The following THRB variants were observed in gnomAD, a reference collection of about 807,000 sequenced individuals.
The protein encoded by THRB is nuclear receptor subfamily 1 group A member 2.
Under a neutral mutation model 47.8 loss-of-function variants are expected in THRB, and 12 were observed. That is an observed-to-expected ratio of 0.25 (90% CI 0.16 to 0.41). The LOEUF is 0.41. THRB is among the 10% of genes least tolerant of loss of function. The probability of loss-of-function intolerance (pLI) is 1.00; values close to 1 mark genes in which losing one functional copy is unlikely to be tolerated. For synonymous variants in THRB, 218 were observed against 212.2 expected (o/e 1.03, Z -0.24); for missense variants, 348 against 589.2 (o/e 0.59, Z 4.24).
chr3:24,162,610 C>T (rs1426051165), intron 5 of THRB, among the ~76,000 whole-genome samples: 2 of 150,798 alleles, frequency 1.3e-5, no homozygotes, highest in African/African-American at 4.9e-5. Flanking sequence ...ATTCAATGAA[C>T]TGACATCTGA....
chr3:24,287,939 C>T (rs1329903733), intron 3 of THRB, among the ~76,000 whole-genome samples: 5 of 152,206 alleles, frequency 3.3e-5, no homozygotes, highest in African/African-American at 4.8e-5. Flanking sequence ...CACTGCCAAG[C>T]ACAGAATTTA....
At chr3:24,339,001 A>T (rs1576959763) in intron 1 of THRB, among the ~76,000 whole-genome samples, 2 of 152,352 alleles carry the variant, frequency 1.3e-5, no homozygotes, top group East Asian at 3.9e-4. Flanking sequence ...TTATTCAAAG[A>T]GGATTCTCAA....
chr3:24,439,243 A>C (rs1454884825), intron 1 of THRB, among the ~76,000 whole-genome samples: 1 of 152,120 alleles, frequency 6.6e-6, no homozygotes, highest in Non-Finnish European at 1.5e-5. Flanking sequence ...GGTGGTGCAG[A>C]TAAGAGGATA....
chr3:24,477,277 A>G (rs948327669), intron 1 of THRB, among the ~76,000 whole-genome samples: 37 of 152,230 alleles, frequency 2.4e-4, no homozygotes, highest in Admixed American at 2.3e-3. Flanking sequence ...GTAAAACAAT[A>G]AACTAAGTAT....
In THRB at chr3:24,440,093, A is replaced by G. The variant is rs1368055554; in HGVS notation, c.-261+54559T>C. On this transcript the variant is annotated intron_variant, in intron 1 of 10. Coordinates refer to ENST00000646209, the MANE Select transcript of THRB (RefSeq NM_001354712.2). ...AAACTAAGTCGTAAATAACAAATCT[A>G]TATATATTCGCATGTGCTGTCTGTC... Among the ~76,000 whole-genome samples the G allele has an allele frequency of 5.9e-5, 9 of 152,320 alleles. No individual in the cohort carries two copies. The East Asian group carries it at 1.2e-3, about 20-fold the overall frequency.
At chr3:24,284,117 C>T (rs1207777464) in intron 3 of THRB, among the ~76,000 whole-genome samples, 112 of 143,704 alleles carry the variant, frequency 7.8e-4, no homozygotes, top group Admixed American at 2.3e-3. Flanking sequence ...GAGCCCGCAT[C>T]GCCAAGTCAA....
At chr3:24,332,487 A>G (rs1301700969) in intron 2 of THRB, among the ~76,000 whole-genome samples, 1 of 152,200 alleles carries the variant, frequency 6.6e-6, no homozygotes, top group African/African-American at 2.4e-5. Flanking sequence ...TGGCCAATGT[A>G]TTATGTTGGT....
At chr3:24,377,137 G>T (rs918765112) in intron 1 of THRB, among the ~76,000 whole-genome samples, 7 of 151,990 alleles carry the variant, frequency 4.6e-5, no homozygotes, top group Non-Finnish European at 1.0e-4. Context: ...GTAGAGATGG[G>T]TCTTACTTTG....
chr3:24,377,321 G>A (rs1425764107), intron 1 of THRB, among the ~76,000 whole-genome samples: 1 of 152,096 alleles, frequency 6.6e-6, no homozygotes, highest in Non-Finnish European at 1.5e-5. Context: ...GTGACCAAAG[G>A]AAATAGGATG....
chr3:24,195,145 A>G (rs1331768009), intron 4 of THRB, among the ~76,000 whole-genome samples: 1 of 152,228 alleles, frequency 6.6e-6, no homozygotes, highest in African/African-American at 2.4e-5. Flanking sequence ...GAATTCTCAG[A>G]CTATGTACGC....
chr3:24,464,938 C>T (rs1202232395), intron 1 of THRB, among the ~76,000 whole-genome samples: 5 of 151,864 alleles, frequency 3.3e-5, no homozygotes, highest in Admixed American at 3.3e-4. Context: ...AACAAATACC[C>T]ACAAAAAATA....
At chr3:24,398,916 A>G (rs2067185112) in intron 1 of THRB, among the ~76,000 whole-genome samples, 1 of 152,174 alleles carries the variant, frequency 6.6e-6, no homozygotes, top group Non-Finnish European at 1.5e-5. Context: ...TGATGAGTTC[A>G]TGTCCTTTGT....
At chr3:24,456,751 T>C (rs146967565) in intron 1 of THRB, among the ~76,000 whole-genome samples, 22 of 152,052 alleles carry the variant, frequency 1.4e-4, no homozygotes, top group African/African-American at 5.3e-4. Context: ...TATAAGATAG[T>C]ATACAATATC....
intron 2 of THRB, among the ~76,000 whole-genome samples, chr3:24,303,220 T>C (rs1207133036): frequency 6.6e-6 from 1 of 152,206 alleles, no homozygotes; most frequent in South Asian, 2.1e-4. Flanking sequence ...CTCCTCCCTG[T>C]GTCTAGGCCC....
In THRB at chr3:24,378,787, T is replaced by A. The variant is rs924893665; in HGVS notation, c.-260-41416A>T. ...ATACTATTCTAGGAAACTAACTTTA[T>A]TAATAAAAATTTTACTCTATCAATT... On this transcript the variant is annotated intron_variant, in intron 1 of 10. Transcript: ENST00000646209. 1.3e-5 allele frequency among the ~76,000 whole-genome samples: 2 copies of A among 152,152 alleles called. 1 individual carries two copies. Among genetic ancestry groups the A allele is most frequent in the Non-Finnish European group, 2.9e-5 (2 of 68,024 alleles).
At chr3:24,434,264 T>C (rs2070724285) in intron 1 of THRB, among the ~76,000 whole-genome samples, 1 of 152,212 alleles carries the variant, frequency 6.6e-6, no homozygotes, top group South Asian at 2.1e-4. Flanking sequence ...AGGGTCCATA[T>C]AGATTTGCCT....
intron 5 of THRB, among the ~76,000 whole-genome samples, chr3:24,156,429 A>G (rs1483439607): frequency 6.6e-6 from 1 of 152,230 alleles, no homozygotes; most frequent in African/African-American, 2.4e-5. Flanking sequence ...TCTTGAAAGT[A>G]GATCTAAAAT....
chr3:24,444,749 C>A (rs1306924126), intron 1 of THRB, among the ~76,000 whole-genome samples: 1 of 152,016 alleles, frequency 6.6e-6, no homozygotes, highest in African/African-American at 2.4e-5. Flanking sequence ...CCATGCCTGG[C>A]TAATTTTGTA....
intron 3 of THRB, among the ~76,000 whole-genome samples, chr3:24,254,403 G>T (rs911793834): frequency 6.7e-6 from 1 of 148,506 alleles, no homozygotes; most frequent in Admixed American, 6.7e-5. Context: ...AAAAAAAAAA[G>T]AAAAGAAAAC....
Sources: allele counts gnomAD v4.1 joint callset (sites outside exome capture counted in the v4.1 genomes callset), GRCh38; gene constraint gnomAD v4.1.1; transcripts MANE v1.5; gene names NCBI Gene and HGNC (gene_info 2026-07-23, HGNC 2026-07-21).